The following SLC22A23 variants were observed in gnomAD, a reference collection of about 807,000 sequenced individuals.
The protein encoded by SLC22A23 is solute carrier family 22 member 23.
Under a neutral mutation model 61.0 loss-of-function variants are expected in SLC22A23, and 26 were observed. The observed-to-expected ratio is 0.43, with a 90% CI of 0.31 to 0.59. The LOEUF (loss-of-function observed/expected upper bound fraction) is 0.59, where lower values mean the gene tolerates loss of function less well. Ranked by LOEUF, SLC22A23 falls within the 20% of genes least tolerant of loss-of-function variation. The pLI, the probability that SLC22A23 is intolerant of heterozygous loss-of-function variation, is 0.11. For synonymous variants in SLC22A23, 430 were observed against 413.9 expected (o/e 1.04, Z -0.47); for missense variants, 796 against 934.7 (o/e 0.85, Z 1.94).
At chr6:3,434,851 G>A (rs1033513377) in intron 1 of SLC22A23, among the ~76,000 whole-genome samples, 1 of 152,144 alleles carries the variant, frequency 6.6e-6, no homozygotes, top group Non-Finnish European at 1.5e-5. Flanking sequence ...AGATCTCTAG[G>A]CCAAGAACTC....
In SLC22A23 at chr6:3,403,363, A is replaced by C. The variant is rs1414861868; in HGVS notation, c.913+6825T>G. Among the ~76,000 whole-genome samples, 5 of 151,648 alleles carry C rather than the reference A, an allele frequency of 3.3e-5. No homozygotes were observed. In the South Asian group the frequency reaches 8.4e-4, roughly 25 times the overall value. On this transcript the variant is annotated intron_variant, in intron 3 of 9. Coordinates refer to ENST00000406686, the MANE Select transcript of SLC22A23 (RefSeq NM_015482.2). ...CTGTCCAGGTGTGGAAAAAAAAAAA[A>C]CTCCCAGGGAGTGTAATAGGATTCC...
Position 3,332,156 on chromosome 6 carries a change from T to G in SLC22A23, c.914-8154A>C, listed in dbSNP as rs143592530. 6.1e-3 allele frequency among the ~76,000 whole-genome samples: 923 copies of G among 152,302 alleles called. 5 individuals are homozygous for G. The highest frequency in any genetic ancestry group is 0.01 in the Non-Finnish European group (707 of 68,028). ...CTAAATTACTTCAAGCTCTGTCCCA[T>G]AACAGCATGCTCTCAGTTCCCCAGC... On this transcript the variant is annotated intron_variant, in intron 3 of 9. Coordinates refer to ENST00000406686, the MANE Select transcript of SLC22A23 (RefSeq NM_015482.2).
chr6:3,291,285 C>T (rs1451120170), intron 5 of SLC22A23: 2 of 152,228 alleles, frequency 1.3e-5, no homozygotes, highest in African/African-American at 2.4e-5. Context: ...TCCTCTTCCA[C>T]CTCCTTCCTG....
rs1006731325 is a variant in SLC22A23 at position 3,333,144 on chromosome 6, C to G, written c.914-9142G>C. Among the ~76,000 whole-genome samples, 1 of 152,164 alleles carries G rather than the reference C, an allele frequency of 6.6e-6. No individual in the cohort carries two copies. The highest frequency in any genetic ancestry group is 2.4e-5 in the African/African-American group (1 of 41,442). On this transcript the variant is annotated intron_variant, in intron 3 of 9. Transcript: ENST00000406686. The surrounding 1 kb of genome is among the most constrained non-coding windows in gnomAD (Gnocchi z 4.1). ...CCTAGAGTTGTTCACCAACATTTTC[C>G]CTAAAGGTTTTGTAGGGAGTGCAAA...
At chr6:3,404,071 T>C (rs1345519247) in intron 3 of SLC22A23, among the ~76,000 whole-genome samples, 1 of 152,168 alleles carries the variant, frequency 6.6e-6, no homozygotes, top group Non-Finnish European at 1.5e-5. Context: ...GAAATTCCAG[T>C]CTGGAAAAAA....
chr6:3,305,340 C>G (rs1234909099), intron 4 of SLC22A23, among the ~76,000 whole-genome samples: 1 of 152,240 alleles, frequency 6.6e-6, no homozygotes, highest in Non-Finnish European at 1.5e-5. Context: ...CCCATATTGC[C>G]TGGACGGCAC....
chr6:3,448,757 G>A (rs768823817), intron 1 of SLC22A23, among the ~76,000 whole-genome samples: 76 of 152,152 alleles, frequency 5.0e-4, no homozygotes, highest in Non-Finnish European at 9.3e-4. Flanking sequence ...GCCTCCCAAA[G>A]TGCTGGGATT....
intron 7 of SLC22A23, 86 bp from the exon 8 acceptor site, chr6:3,285,197 G>T (rs2127315191): frequency 6.4e-7 from 1 of 1,565,428 alleles, no homozygotes; most frequent in East Asian, 2.4e-5. Flanking sequence ...TGTGGAGTTA[G>T]CCTAGCGTGT....
At chr6:3,323,351 A>G (rs1470189567) in intron 4 of SLC22A23, 1 of 456,748 alleles carries the variant, frequency 2.2e-6, no homozygotes, top group Non-Finnish European at 4.4e-6. Flanking sequence ...CTGTGTTCCA[A>G]TAAAACTTTA....
intron 3 of SLC22A23, among the ~76,000 whole-genome samples, chr6:3,366,448 T>C (rs548724341): frequency 6.6e-6 from 1 of 151,854 alleles, no homozygotes; most frequent in South Asian, 2.1e-4. Flanking sequence ...CATGGTATTC[T>C]CCTCTGTTAA....
At position 3,299,144 on chromosome 6, in the gene SLC22A23, AT is replaced by A. The variant is rs1242308122; in HGVS notation, c.1083-927del. 2.0e-5 allele frequency among the ~76,000 whole-genome samples: 3 copies of A among 152,250 alleles called. No homozygotes were observed. The East Asian group carries it at 5.8e-4, about 29-fold the overall frequency. ...ATGTGTCAATTACAAAAATAAAAAA[AT>A]AATTTAACAAATGTAACAGAGTAGC... On this transcript the variant is annotated intron_variant, in intron 4 of 9. Coordinates refer to ENST00000406686, the MANE Select transcript of SLC22A23 (RefSeq NM_015482.2).
chr6:3,381,250 G>C (rs1440840902), intron 3 of SLC22A23, among the ~76,000 whole-genome samples: 1 of 152,176 alleles, frequency 6.6e-6, no homozygotes, highest in Non-Finnish European at 1.5e-5. Flanking sequence ...GGGCCTCTCT[G>C]TGGGGAGGTG....
rs1046515187 is a variant in SLC22A23, at chr6:3,318,863, C to G, written c.1082+4971G>C. On this transcript the variant is annotated intron_variant, in intron 4 of 9. Transcript: ENST00000406686. The surrounding 1 kb of genome is among the most constrained non-coding windows in gnomAD (Gnocchi z 4.3). ...TCCCCATCTCAGGAAACAGACCCAG[C>G]TGCCATCACTGCCTCCTCTCTCACC... is the stretch of plus-strand genomic sequence containing the variant. 6.6e-6 allele frequency among the ~76,000 whole-genome samples: 1 copy of G among 152,164 alleles called. No individual in the cohort carries two copies. The highest frequency in any genetic ancestry group is 6.5e-5 in the Admixed American group (1 of 15,286).
Position 3,456,072 on chromosome 6 carries a change from G to A in SLC22A23, c.488C>T (p.Ala163Val). 6.5e-7 allele frequency: 1 copy of A among 1,549,882 alleles called. No individual in the cohort carries two copies. Among genetic ancestry groups the A allele is most frequent in the Non-Finnish European group, 8.7e-7 (1 of 1,146,742 alleles). Residue 163 changes from alanine to valine, a missense_variant, in exon 1 of 10, where the codon GCC (alanine) becomes GTC (valine). By Grantham distance (64) the Ala-to-Val change is moderately conservative. Transcript: ENST00000406686. The surrounding 1 kb of genome is among the most constrained non-coding windows in gnomAD (Gnocchi z 7.1). ...CCGGTTGCCCGCAGCCTCCCAGGGGGCAGTGGCGAAGGGGGTGGTGGGGAG... is the reference window on the plus strand; with the variant it reads ...CCGGTTGCCCGCAGCCTCCCAGGGGACAGTGGCGAAGGGGGTGGTGGGGAG... ...TSLPTTPFATAPWEAAGNRSN... is the reference protein window; with the variant it reads ...TSLPTTPFATVPWEAAGNRSN...
chr6:3,435,629 G>A (rs1272477051), intron 1 of SLC22A23, among the ~76,000 whole-genome samples: 2 of 151,918 alleles, frequency 1.3e-5, no homozygotes, highest in Non-Finnish European at 2.9e-5. Context: ...AGTGACATGA[G>A]AACACACTCA....
chr6:3,294,946 A>G (rs1395761859), intron 5 of SLC22A23, among the ~76,000 whole-genome samples: 2 of 152,250 alleles, frequency 1.3e-5, no homozygotes, highest in African/African-American at 4.8e-5. Context: ...GGACCCCTAC[A>G]CGTACCTCCA....
intron 3 of SLC22A23, among the ~76,000 whole-genome samples, chr6:3,382,735 A>T (rs932504306): frequency 1.3e-5 from 2 of 152,258 alleles, no homozygotes; most frequent in African/African-American, 4.8e-5. Context: ...AGCTGTGGCA[A>T]AAAACATATG....
intron 5 of SLC22A23, among the ~76,000 whole-genome samples, chr6:3,293,604 A>T (rs1267636959): frequency 6.6e-6 from 1 of 152,240 alleles, no homozygotes; most frequent in African/African-American, 2.4e-5. Flanking sequence ...TCGTCTGCCC[A>T]GACACAGGCT....
At chr6:3,339,380 G>C (rs184597132) in intron 3 of SLC22A23, among the ~76,000 whole-genome samples, 105 of 152,184 alleles carry the variant, frequency 6.9e-4, no homozygotes, top group African/African-American at 2.4e-3. Context: ...CCCAAGCCCT[G>C]GTCCTGTCCC....
Sources: gnomAD v4.1 joint callset for allele counts (sites outside exome capture counted in the v4.1 genomes callset) on GRCh38, gnomAD v4.1.1 for gene constraint, Gnocchi (gnomAD v3.1) non-coding constraint, MANE v1.5 for transcripts, NCBI Gene and HGNC (gene_info 2026-07-23, HGNC 2026-07-21) for gene names.